Variants in TMEM181 observed in about 807,000 individuals in gnomAD.
TMEM181 encodes the protein G protein-coupled receptor 178.
In TMEM181, 39 loss-of-function variants were observed where a neutral mutation model predicts 71.9. That is an observed-to-expected ratio of 0.54 (90% confidence interval 0.42 to 0.71). The LOEUF is 0.71. Among genes scored for constraint, TMEM181 ranks in the 30% least tolerant of loss-of-function variants. TMEM181 has a pLI of 0.00. For synonymous variants in TMEM181, 245 were observed against 228.8 expected (o/e 1.07, Z -0.64); for missense variants, 595 against 583.0 (o/e 1.02, Z -0.21).
intron 10 of TMEM181, among the ~76,000 whole-genome samples, chr6:158,618,832 G>T (rs887422805): frequency 3.9e-5 from 6 of 152,172 alleles, no homozygotes; most frequent in Admixed American, 2.0e-4. Flanking sequence ...CACTCTTCTG[G>T]CTTGTAGAGT....
chr6:158,582,526 G>A (rs142279282), intron 3 of TMEM181, among the ~76,000 whole-genome samples: 179 of 152,226 alleles, frequency 1.2e-3, no homozygotes, highest in African/African-American at 4.0e-3. Context: ...TAAGCTGGGT[G>A]TGGTGGGGCA....
At chr6:158,567,260 T>A (rs994709669) in intron 1 of TMEM181, among the ~76,000 whole-genome samples, 2 of 152,146 alleles carry the variant, frequency 1.3e-5, no homozygotes, top group African/African-American at 4.8e-5. Context: ...CCTGGGTAGC[T>A]GGGCCGAGGA....
At chr6:158,578,406 G>A (rs1202976621) in intron 2 of TMEM181, among the ~76,000 whole-genome samples, 1 of 152,168 alleles carries the variant, frequency 6.6e-6, no homozygotes, top group Non-Finnish European at 1.5e-5. Context: ...TTTTTAAAAA[G>A]CCAACTATTA....
At position 158,631,798 on chromosome 6, in the gene TMEM181, CTT is replaced by C. The variant is rs1301248435; in HGVS notation, c.1350-10_1350-9del. The stretch of plus-strand genomic sequence containing the variant: ...AGAAGTTAGACGGTCTCAAAGGTCT[CTT>C]TGCTCACAGGAGTGACTATGAGGAA... On this transcript the variant is annotated splice_polypyrimidine_tract_variant and intron_variant, in intron 16 of 16. Transcript: ENST00000684151. 3 of 1,590,320 alleles carry C rather than the reference CTT, an allele frequency of 1.9e-6. No individual in the cohort carries two copies. Among genetic ancestry groups the C allele is most frequent in the South Asian group, 1.1e-5 (1 of 87,372 alleles).
At chr6:158,598,856 G>C (rs4022175) in intron 6 of TMEM181, among the ~76,000 whole-genome samples, 53,498 of 151,312 alleles carry the variant, frequency 0.35, 10,362 homozygotes, top group East Asian at 0.75. Context: ...TGTATTTTTA[G>C]TAGAGATGGG....
At chr6:158,541,965 G>GCCACT in intron 1 of TMEM181, among the ~76,000 whole-genome samples, 3 of 145,192 alleles carry the variant, frequency 2.1e-5, no homozygotes, top group Middle Eastern at 7.1e-3. Flanking sequence ...GAGTGCAGTG[G>GCCACT]CCTGATCTCA....
chr6:158,537,172 G>A (rs1008851860), intron 1 of TMEM181, among the ~76,000 whole-genome samples: 11 of 152,144 alleles, frequency 7.2e-5, no homozygotes, highest in Admixed American at 1.3e-4. Flanking sequence ...CCCCGGAAAG[G>A]AGCTGCGGGT....
At chr6:158,611,481 T>C in intron 10 of TMEM181, 1 of 529,796 alleles carries the variant, frequency 1.9e-6, no homozygotes, top group Non-Finnish European at 3.8e-6. Flanking sequence ...AGTCGTATCA[T>C]TCTGACTCTC....
chr6:158,545,510 G>A (rs575844686), intron 1 of TMEM181, among the ~76,000 whole-genome samples: 128 of 152,384 alleles, frequency 8.4e-4, no homozygotes, highest in African/African-American at 2.9e-3. Flanking sequence ...CATGAGCAAC[G>A]CCGCCCGCTT....
chr6:158,590,799 G>A (rs1273598480), intron 6 of TMEM181, among the ~76,000 whole-genome samples: 1 of 152,222 alleles, frequency 6.6e-6, no homozygotes, highest in Non-Finnish European at 1.5e-5. Context: ...GAGCTGTCCA[G>A]TCATTCTGTT....
intron 6 of TMEM181, among the ~76,000 whole-genome samples, chr6:158,603,401 A>G (rs1450733192): frequency 6.6e-6 from 1 of 152,058 alleles, no homozygotes; most frequent in Admixed American, 6.6e-5. Context: ...TTCTGTGAGA[A>G]TCTAATGCCC....
At position 158,560,128 on chromosome 6, in the gene TMEM181, C is replaced by T; in HGVS notation, c.-97C>T. The stretch of plus-strand genomic sequence containing the variant: ...GCCGGCCGCTGCTCAGCCGCTGTCG[C>T]TCCGGCTCCGGCTGCGGCTGCCGCT... On this transcript the variant is annotated 5_prime_UTR_variant, in exon 1 of 17. Transcript: ENST00000684151. 1.0e-6 allele frequency: 1 copy of T among 984,870 alleles called. No homozygotes were observed. The highest frequency in any genetic ancestry group is 1.2e-6 in the Non-Finnish European group (1 of 829,700). The allele number at this position is 984,870 out of a possible 1,614,324, so 61.0% of individuals were successfully genotyped here.
At chr6:158,541,898 CTTTTTTTTTTTTT>C (rs10583860) in intron 1 of TMEM181, among the ~76,000 whole-genome samples, 2 of 66,624 alleles carry the variant, frequency 3.0e-5, no homozygotes, top group African/African-American at 1.2e-4. Context: ...GGGATTTTAT[CTTTTTTTTTTTTT>C]TTTTTTTTTT....
At chr6:158,581,881 C>CT (rs919749543) in intron 3 of TMEM181, among the ~76,000 whole-genome samples, 4 of 151,398 alleles carry the variant, frequency 2.6e-5, no homozygotes, top group Non-Finnish European at 5.9e-5. Flanking sequence ...ACAACTAAAC[C>CT]TTTTTTTGTG....
In TMEM181 at chr6:158,591,211, C is replaced by T. The variant is rs1418767534; in HGVS notation, c.492+1429C>T. Reference sequence around the variant, plus strand: ...CCCTTTGCAGGCGGCCGTCTCCTCCCCTCTGAGATTGTTCTTTTCTTTCAC... The same window carrying T: ...CCCTTTGCAGGCGGCCGTCTCCTCCTCTCTGAGATTGTTCTTTTCTTTCAC... On this transcript the variant is annotated intron_variant, in intron 6 of 16. Transcript: ENST00000684151. Among the ~76,000 whole-genome samples the T allele has an allele frequency of 2.6e-5, 4 of 152,156 alleles. No individual in the cohort carries two copies. In the East Asian group the frequency reaches 5.8e-4, roughly 22 times the overall value.
At chr6:158,585,193 A>G in intron 4 of TMEM181, 111 bp from the exon 5 acceptor site, 1 of 1,226,016 alleles carries the variant, frequency 8.2e-7, no homozygotes, top group Non-Finnish European at 1.1e-6. Context: ...ATGTGGCCTA[A>G]GGACCTTAAG....
chr6:158,559,659 G>A (rs1782039649), upstream of TMEM181, among the ~76,000 whole-genome samples: 1 of 152,210 alleles, frequency 6.6e-6, no homozygotes, highest in Non-Finnish European at 1.5e-5. Context: ...CGGGGTGGCA[G>A]AAGTTTGTCC....
intron 10 of TMEM181, among the ~76,000 whole-genome samples, chr6:158,616,958 C>G (rs1021438026): frequency 1.3e-5 from 2 of 152,148 alleles, no homozygotes; most frequent in African/African-American, 4.8e-5. Context: ...TTTGTTGTGT[C>G]TCTGGCCAGG....
At chr6:158,544,192 T>A (rs1466286867) in intron 1 of TMEM181, among the ~76,000 whole-genome samples, 86 of 148,140 alleles carry the variant, frequency 5.8e-4, no homozygotes, top group African/African-American at 2.1e-3. Flanking sequence ...AGTGTGTGTG[T>A]GTGTGTGTGT....
Sources: allele counts gnomAD v4.1 joint callset (sites outside exome capture counted in the v4.1 genomes callset), GRCh38; gene constraint gnomAD v4.1.1; transcripts MANE v1.5; gene names NCBI Gene and HGNC (gene_info 2026-07-23, HGNC 2026-07-21).